The following ROBO2 variants were observed in gnomAD, a reference collection of about 807,000 sequenced individuals.
The protein encoded by ROBO2 is roundabout homolog 2.
A neutral mutation model predicts 160.8 loss-of-function variants in ROBO2; 53 were observed. That is an observed-to-expected ratio of 0.33 (90% CI 0.26 to 0.41). The LOEUF (loss-of-function observed/expected upper bound fraction) is 0.41. ROBO2 is among the 10% of genes least tolerant of loss of function. ROBO2 has a pLI of 1.00. For missense variants in ROBO2, 1,577 were observed against 1,722.4 expected (o/e 0.92, Z 1.49); for synonymous variants, 664 against 611.7 (o/e 1.09, Z -1.26).
chr3:77,326,384 T>A (rs2065396784), intron 2 of ROBO2, among the ~76,000 whole-genome samples: 1 of 152,232 alleles, frequency 6.6e-6, no homozygotes, highest in Non-Finnish European at 1.5e-5. Flanking sequence ...AGTTTACCAC[T>A]CTGTTGATCA....
chr3:76,404,721 C>G (rs1279506871), intron 2 of ROBO2, among the ~76,000 whole-genome samples: 2 of 151,018 alleles, frequency 1.3e-5, no homozygotes, highest in Non-Finnish European at 3.0e-5. Flanking sequence ...TTGGGAGTAG[C>G]TATCAAAAAA....
At chr3:76,281,903 G>T (rs1176322378) in intron 2 of ROBO2, among the ~76,000 whole-genome samples, 1 of 151,808 alleles carries the variant, frequency 6.6e-6, no homozygotes, top group South Asian at 2.1e-4. Context: ...GTGTTCTCTG[G>T]TCTACACCCC....
intron 2 of ROBO2, among the ~76,000 whole-genome samples, chr3:75,986,524 T>TG (rs1576387112): frequency 6.6e-6 from 1 of 151,856 alleles, no homozygotes; most frequent in East Asian, 1.9e-4. Flanking sequence ...TAGTATTTTT[T>TG]GGCAGTTTTT....
intron 2 of ROBO2, among the ~76,000 whole-genome samples, chr3:76,483,088 C>A (rs2079295234): frequency 6.6e-6 from 1 of 151,952 alleles, no homozygotes; most frequent in African/African-American, 2.4e-5. Context: ...ATATCTGATA[C>A]TATTGTATTG....
intron 2 of ROBO2, among the ~76,000 whole-genome samples, chr3:77,385,962 G>T (rs2153492911): frequency 6.6e-6 from 1 of 152,132 alleles, no homozygotes; most frequent in African/African-American, 2.4e-5. Flanking sequence ...ACAAGAAAGA[G>T]AAATAAAAAC....
chr3:77,591,044 C>T (rs1281110141), intron 17 of ROBO2, among the ~76,000 whole-genome samples: 1 of 152,022 alleles, frequency 6.6e-6, no homozygotes, highest in Non-Finnish European at 1.5e-5. Context: ...ATGAAGATAA[C>T]AGATTTTATG....
intron 2 of ROBO2, among the ~76,000 whole-genome samples, chr3:76,682,069 G>A (rs1036351768): frequency 6.6e-6 from 1 of 152,076 alleles, no homozygotes; most frequent in Non-Finnish European, 1.5e-5. Flanking sequence ...TGAAGTAAGA[G>A]CCAGTAAACA....
chr3:76,400,813 A>T (rs1204149584), intron 2 of ROBO2, among the ~76,000 whole-genome samples: 1 of 151,530 alleles, frequency 6.6e-6, no homozygotes, highest in Non-Finnish European at 1.5e-5. Flanking sequence ...ATTTAAAATA[A>T]TGTAGACCAT....
chr3:76,457,920 C>T (rs918785671), intron 2 of ROBO2, among the ~76,000 whole-genome samples: 1 of 152,088 alleles, frequency 6.6e-6, no homozygotes, highest in African/African-American at 2.4e-5. Context: ...TACCAAGTCT[C>T]TCAGCTGCAC....
chr3:76,129,236 G>C (rs1032441460), intron 2 of ROBO2, among the ~76,000 whole-genome samples: 3 of 152,006 alleles, frequency 2.0e-5, no homozygotes, highest in South Asian at 2.1e-4. Context: ...TAGTGTTACG[G>C]CACTAAAGTA....
rs1390939407 is a variant in ROBO2, at chr3:77,550,898, C to T, written c.1140C>T (p.Asn380=). Residue 380 remains asparagine, a synonymous_variant, in exon 8 of 26, where the codon AAC becomes AAT. Coordinates refer to ENST00000461745, the Ensembl canonical transcript of ROBO2. Reference sequence around the variant, plus strand: ...CAACTGGAGACCTCACAATCACCAACATTCAACGTTCCGACGCGGGTTACT... The same window carrying T: ...CAACTGGAGACCTCACAATCACCAATATTCAACGTTCCGACGCGGGTTACT... 8.1e-6 allele frequency: 13 copies of T among 1,613,162 alleles called. No individual in the cohort carries two copies. The East Asian group carries it at 2.2e-4, about 28-fold the overall frequency.
chr3:76,988,149 T>A (rs1475139595), intron 2 of ROBO2, among the ~76,000 whole-genome samples: 2 of 152,142 alleles, frequency 1.3e-5, no homozygotes, highest in Non-Finnish European at 2.9e-5. Flanking sequence ...AAAAGTAGAT[T>A]TTTAAAATAA....
chr3:76,028,654 G>T (rs55910238), intron 2 of ROBO2, among the ~76,000 whole-genome samples: 1 of 151,752 alleles, frequency 6.6e-6, no homozygotes, highest in South Asian at 2.1e-4. Flanking sequence ...ACTATGGTGC[G>T]GTATAAAATT....
chr3:77,091,990 A>C (rs1424996324), intron 1 of ROBO2: 1 of 131,944 alleles, frequency 7.6e-6, no homozygotes, highest in East Asian at 2.0e-4. Context: ...AAAATAAATA[A>C]ATAAATAAAT....
At chr3:77,569,384 G>A (rs933561163) in intron 13 of ROBO2, among the ~76,000 whole-genome samples, 4 of 151,616 alleles carry the variant, frequency 2.6e-5, no homozygotes, top group African/African-American at 9.7e-5. Flanking sequence ...AGTGTGTAGT[G>A]GTATATAATT....
At chr3:76,678,216 C>T (rs1384759476) in intron 2 of ROBO2, among the ~76,000 whole-genome samples, 1 of 152,018 alleles carries the variant, frequency 6.6e-6, no homozygotes, top group Non-Finnish European at 1.5e-5. Flanking sequence ...GGTGATCTGA[C>T]CGCCTCGACT....
intron 2 of ROBO2, among the ~76,000 whole-genome samples, chr3:76,948,465 C>G (rs1299332485): frequency 6.6e-6 from 1 of 151,188 alleles, no homozygotes; most frequent in African/African-American, 2.4e-5. Flanking sequence ...CACTCATTGT[C>G]TTTCTGTGCT....
chr3:76,828,038 C>T (rs1280099928), intron 2 of ROBO2, among the ~76,000 whole-genome samples: 1 of 152,068 alleles, frequency 6.6e-6, no homozygotes, highest in East Asian at 1.9e-4. Flanking sequence ...TTTTGTTTAT[C>T]CCCACTACAG....
intron 2 of ROBO2, among the ~76,000 whole-genome samples, chr3:76,931,550 G>GACACACACACACACACACAC (rs148001909): frequency 1.4e-3 from 206 of 150,714 alleles, no homozygotes; most frequent in African/African-American, 4.6e-3. Flanking sequence ...TGCTTTATAA[G>GACACACACACACACACACAC]ACACATACAC....
Sources: gnomAD v4.1 joint callset for allele counts (sites outside exome capture counted in the v4.1 genomes callset) on GRCh38, gnomAD v4.1.1 for gene constraint, MANE v1.5 for transcripts, NCBI Gene and HGNC (gene_info 2026-07-23, HGNC 2026-07-21) for gene names.